Variants in MIDEAS observed in about 807,000 individuals in gnomAD.
MIDEAS encodes the protein mitotic deacetylase associated SANT domain protein, also known as mitotic deacetylase-associated SANT domain protein.
MIDEAS carries 26 observed loss-of-function variants against 102.7 expected under a neutral mutation model. The ratio of observed to expected loss-of-function variants is 0.25; its 90% confidence interval spans 0.19 to 0.35. The LOEUF is 0.35. Ranked by LOEUF, MIDEAS falls within the 10% of genes least tolerant of loss-of-function variation. MIDEAS has a pLI of 1.00. For missense variants in MIDEAS, 1,231 were observed against 1,435.6 expected, an observed-to-expected ratio of 0.86 and a Z score of 2.30; for synonymous variants, 585 against 591.0, an observed-to-expected ratio of 0.99 and a Z score of 0.15.
chr14:73,756,305 C>CG (rs1483532822), intron 1 of MIDEAS, among the ~76,000 whole-genome samples: 3 of 99,108 alleles, frequency 3.0e-5, no homozygotes, highest in Admixed American at 9.9e-5. Context: ...TGCGCGCGCG[C>CG]GTGCGCGCTG....
chr14:73,737,147 G>A lies in MIDEAS; in HGVS notation c.1600C>T (p.Arg534Ter). The change falls in exon 3 of 13, where the codon CGA becomes TGA. Residue 534 changes from arginine (R) to a stop codon, truncating the protein, a stop_gained. Transcript: ENST00000423556. LOFTEE classifies it high-confidence loss of function. ...GCTGCCTCAGTTGGGTCCACAGTTC[G>A]CACAGGCACAGACACTGGGATGATG... Reference protein sequence around the residue: ...PLIIPVSVPVRTVDPTEAAQA... With the variant: ...PLIIPVSVPV 6.2e-7 allele frequency: 1 copy of A among 1,613,884 alleles called. No homozygotes were observed. The highest frequency in any genetic ancestry group is 8.5e-7 in the Non-Finnish European group (1 of 1,179,970).
chr14:73,730,235 G>GT (rs2053121315), intron 3 of MIDEAS: 1 of 666,478 alleles, frequency 1.5e-6, no homozygotes, highest in Middle Eastern at 3.2e-4. Flanking sequence ...TGTGATCTCT[G>GT]TTACATATTC....
At position 73,770,343 on chromosome 14, in the gene MIDEAS, A is replaced by G. The variant is rs537859688; in HGVS notation, c.-248+16759T>C. 2.0e-5 allele frequency among the ~76,000 whole-genome samples: 3 copies of G among 147,656 alleles called. No individual in the cohort carries two copies. In the East Asian group the frequency reaches 6.5e-4, roughly 32 times the overall value. The stretch of plus-strand genomic sequence containing the variant: ...CAAGATGATTTATATAACAGTAACG[A>G]CGGTGATGATGATGATGACGATGAT... On this transcript the variant is annotated intron_variant, in intron 1 of 11. Transcript: ENST00000394071.
rs370387448 is a variant in MIDEAS at position 73,757,279 on chromosome 14, CAA to C, written c.-248+2482_-248+2483del. On this transcript the variant is annotated intron_variant, in intron 1 of 12. Coordinates refer to ENST00000423556, the MANE Select transcript of MIDEAS (RefSeq NM_001367710.1). ...AGAGAAAGACCCTATCTCTAACAACCAAAAAAAAAAAAAAACACTAAACACTT... is the reference window on the plus strand; with the variant it reads ...AGAGAAAGACCCTATCTCTAACAACCAAAAAAAAAAAAACACTAAACACTT... Among the ~76,000 whole-genome samples the C allele has an allele frequency of 1.4e-3, 95 of 67,696 alleles. 5 individuals are homozygous for C. The highest frequency in any genetic ancestry group is 6.6e-3 in the African/African-American group (80 of 12,102). The allele number at this position is 67,696 out of a possible 152,430, so 44.4% of individuals were successfully genotyped here.
Position 73,731,474 on chromosome 14 carries a change from GA to G in MIDEAS, c.1750-1490del, listed in dbSNP as rs1164870205. Reference sequence around the variant, plus strand: ...CTTAGGAAAACAATATGATTGCACAGAAAAAAAAAAAAATGCAGGAGCCAAA... The same window carrying G: ...CTTAGGAAAACAATATGATTGCACAGAAAAAAAAAAAATGCAGGAGCCAAA... On this transcript the variant is annotated intron_variant, in intron 3 of 12. Transcript: ENST00000423556. Among the ~76,000 whole-genome samples the G allele has an allele frequency of 9.5e-3, 1,283 of 134,710 alleles. 9 individuals carry two copies. Among genetic ancestry groups the G allele is most frequent in the African/African-American group, 0.027 (1,009 of 36,762 alleles). The allele number at this position is 134,710 out of a possible 152,430, so 88.4% of individuals were successfully genotyped here.
In MIDEAS at chr14:73,739,083, T is replaced by C. The variant is rs1473694296; in HGVS notation, c.926A>G (p.Tyr309Cys). Residue 309 changes from tyrosine (Y) to cysteine (C), a missense_variant, in exon 2 of 13, where the codon TAC becomes TGC. Tyr to Cys is a radical substitution (Grantham distance 194). This residue lies in a region of MIDEAS where 758 missense variants were observed against 856.0 expected (regional missense o/e 0.89). Transcript: ENST00000423556. ...CATATCTGGGTTGGGGGGGAAGGGG[T>C]AGGGTGCCATGCTGTGGTGAGCCAG... Reference protein sequence around the residue: ...SHLAHHSMAPYPFPPNPDMNP... With the variant: ...SHLAHHSMAPCPFPPNPDMNP... 6 of 1,581,658 alleles carry C rather than the reference T, an allele frequency of 3.8e-6. No homozygotes were observed. In the East Asian group the frequency reaches 9.0e-5, roughly 24 times the overall value.
chr14:73,748,699 G>A (rs1270266679), intron 1 of MIDEAS, among the ~76,000 whole-genome samples: 1 of 151,174 alleles, frequency 6.6e-6, no homozygotes, highest in Non-Finnish European at 1.5e-5. Context: ...AACCTGAGAG[G>A]TGGAGGCTGC....
At chr14:73,766,072 T>C (rs1021334400) in intron 1 of MIDEAS, among the ~76,000 whole-genome samples, 1 of 152,194 alleles carries the variant, frequency 6.6e-6, no homozygotes, top group Non-Finnish European at 1.5e-5. Flanking sequence ...CCAGAGACAA[T>C]TTCTTAAATA....
chr14:73,769,570 G>A (rs889400077), intron 1 of MIDEAS, among the ~76,000 whole-genome samples: 1 of 151,502 alleles, frequency 6.6e-6, no homozygotes, highest in Non-Finnish European at 1.5e-5. Context: ...ATGTGATTTG[G>A]CATTGTGTTG....
chr14:73,770,408 A>G lies in MIDEAS; in HGVS notation c.-248+16694T>C, dbSNP rs909598227. ...TGGTGATGATGACAATGATGATGTA[A>G]GGGCCACTGAACAGGATTTCCTCAT... On this transcript the variant is annotated intron_variant, in intron 1 of 11. Transcript: ENST00000394071. Among the ~76,000 whole-genome samples, 9 of 152,130 alleles carry G rather than the reference A, an allele frequency of 5.9e-5. No individual in the cohort carries two copies. In the East Asian group the frequency reaches 1.5e-3, roughly 26 times the overall value.
In MIDEAS at chr14:73,739,008, G is replaced by A. The variant is rs147856107; in HGVS notation, c.1001C>T (p.Ala334Val). Residue 334 changes from alanine (A) to valine (V), a missense_variant, in exon 2 of 13, where the codon GCG (alanine) becomes GTG (valine). Coordinates refer to ENST00000423556, the MANE Select transcript of MIDEAS (RefSeq NM_001367710.1). ...GAAGGGGATCTGGACCTGAGGTAGC[G>A]CTGGCTGCGGGGCTGAGTCCTGCAG... is the stretch of plus-strand genomic sequence containing the variant. The part of the protein sequence containing the change: ...ALLQDSAPQP[A>V]LPQVQIPFPR... 17 of 1,539,454 alleles carry A rather than the reference G, an allele frequency of 1.1e-5. No homozygotes were observed. Among genetic ancestry groups the A allele is most frequent in the Admixed American group, 2.0e-5 (1 of 50,070 alleles).
In MIDEAS at chr14:73,722,831, A is replaced by G. The variant is rs2053014217; in HGVS notation, c.2591T>C (p.Val864Ala). The G allele has an allele frequency of 6.2e-7, 1 of 1,614,040 alleles. No homozygotes were observed. Among genetic ancestry groups the G allele is most frequent in the African/African-American group, 1.3e-5 (1 of 74,936 alleles). ...LVQKLIQTKT[V>A]AQCVEFYYTY... ...GTAGTAGAACTCCACGCACTGGGCC[A>G]CGGTCTTGGTCTGGATCTGGTTTGA... The change falls in exon 10 of 13, where the codon GTG becomes GCG. Residue 864 changes from valine to alanine, a missense_variant. Val to Ala is a moderately conservative substitution (Grantham distance 64). Around this residue, in one of 5 missense-constraint regions of MIDEAS, gnomAD observed 391 missense variants for 483.0 expected, o/e 0.81. Transcript: ENST00000423556.
chr14:73,727,773 A>C, intron 4 of MIDEAS: 1 of 474,058 alleles, frequency 2.1e-6, no homozygotes, highest in Non-Finnish European at 3.7e-6. Context: ...CCTACGGTTA[A>C]TGTGAGAACT....
chr14:73,729,764 G>A lies in MIDEAS; in HGVS notation c.1971C>T (p.Pro657=), dbSNP rs921994532. 2.5e-6 allele frequency: 4 copies of A among 1,614,066 alleles called. No individual in the cohort carries two copies. Among genetic ancestry groups the A allele is most frequent in the Admixed American group, 1.7e-5 (1 of 60,034 alleles). The part of the protein sequence containing the change: ...RSFELPPYTP[P]PILSPVREGS... ...CTTCCCGCACAGGGCTGAGGATGGG[G>A]GGCGGCGTGTAGGGAGGTAGCTCAA... Residue 657 remains proline (P), a synonymous_variant, in exon 4 of 13, where the codon CCC becomes CCT. Transcript: ENST00000423556.
At chr14:73,752,603 T>C (rs1047626934) in intron 1 of MIDEAS, among the ~76,000 whole-genome samples, 1 of 150,888 alleles carries the variant, frequency 6.6e-6, no homozygotes, top group Non-Finnish European at 1.5e-5. Context: ...GGGAGGGGAG[T>C]CTCAGTGTGG....
At chr14:73,785,456 C>T (rs187740107) in intron 1 of MIDEAS, among the ~76,000 whole-genome samples, 56 of 152,300 alleles carry the variant, frequency 3.7e-4, no homozygotes, top group Admixed American at 3.1e-3. Context: ...CAGACCCAGA[C>T]CACCAGCACA....
chr14:73,783,120 A>G (rs2053771189), intron 1 of MIDEAS, among the ~76,000 whole-genome samples: 1 of 152,224 alleles, frequency 6.6e-6, no homozygotes, highest in South Asian at 2.1e-4. Context: ...ATTCACCCAA[A>G]GGCTCATTTA....
At chr14:73,738,205 G>C (rs2053228910) in intron 2 of MIDEAS, among the ~76,000 whole-genome samples, 2 of 151,638 alleles carry the variant, frequency 1.3e-5, no homozygotes, top group Admixed American at 1.3e-4. Context: ...AGACCAGCCT[G>C]ACCAACATGG....
intron 3 of MIDEAS, chr14:73,730,189 G>A (rs1018894235): frequency 7.0e-6 from 5 of 714,938 alleles, no homozygotes; most frequent in Non-Finnish European, 1.3e-5. Flanking sequence ...TCTGTAAGGG[G>A]CCAGAGAGTA....
Sources: allele counts gnomAD v4.1 joint callset (sites outside exome capture counted in the v4.1 genomes callset), GRCh38; gene constraint gnomAD v4.1.1; regional missense constraint gnomAD v4.1.1; transcripts MANE v1.5; gene names NCBI Gene and HGNC (gene_info 2026-07-23, HGNC 2026-07-21).